The following SH3GL2 variants were observed in gnomAD, a reference collection of about 807,000 sequenced individuals.
The protein encoded by SH3GL2 is SH3 domain containing GRB2 like 2, endophilin A1, also known as endophilin-A1.
In SH3GL2, 24 loss-of-function variants were observed where a neutral mutation model predicts 46.0. The ratio of observed to expected loss-of-function variants is 0.52; its 90% CI spans 0.38 to 0.73. SH3GL2 has a LOEUF of 0.73. SH3GL2 is among the 30% of genes least tolerant of loss of function. The pLI, the probability that SH3GL2 is intolerant of heterozygous loss-of-function variation, is 0.00. For missense variants in SH3GL2, 413 were observed against 424.2 expected (o/e 0.97, Z 0.23); for synonymous variants, 196 against 147.1 (o/e 1.33, Z -2.40).
intron 1 of SH3GL2, among the ~76,000 whole-genome samples, chr9:17,676,546 C>G (rs1029101696): frequency 6.6e-6 from 1 of 152,312 alleles, no homozygotes; most frequent in African/African-American, 2.4e-5. Flanking sequence ...TTGGAGGTTG[C>G]AATGAGCTGA....
intron 1 of SH3GL2, among the ~76,000 whole-genome samples, chr9:17,736,944 A>G (rs1312886842): frequency 5.9e-5 from 9 of 152,148 alleles, no homozygotes; most frequent in African/African-American, 2.2e-4. Flanking sequence ...AAAGACTTGG[A>G]ACCAACCCAA....
intron 1 of SH3GL2, among the ~76,000 whole-genome samples, chr9:17,677,260 T>C (rs1002402683): frequency 2.0e-5 from 3 of 152,214 alleles, no homozygotes; most frequent in African/African-American, 7.2e-5. Flanking sequence ...TTCATTCTCA[T>C]GTTCACATTC....
In SH3GL2 at chr9:17,593,170, ATAAG is replaced by A. The variant is rs1202252090; in HGVS notation, c.45+13889_45+13892del. 1.2e-4 allele frequency among the ~76,000 whole-genome samples: 19 copies of A among 152,348 alleles called. No homozygotes were observed. In the East Asian group the frequency reaches 3.5e-3, roughly 28 times the overall value. On this transcript the variant is annotated intron_variant, in intron 1 of 8. Coordinates refer to ENST00000380607, the MANE Select transcript of SH3GL2 (RefSeq NM_003026.5). ...ATACCTTTCTAATAAATGGCTAAAC[ATAAG>A]TAAGTGTTTCCCTGAGTTCCGTGTG...
chr9:17,712,111 C>T (rs1472433112), intron 1 of SH3GL2, among the ~76,000 whole-genome samples: 1 of 151,642 alleles, frequency 6.6e-6, no homozygotes. Context: ...TTCCTATTTT[C>T]TTTGATGATG....
At chr9:17,753,752 G>T (rs1405669065) in intron 2 of SH3GL2, among the ~76,000 whole-genome samples, 1 of 152,156 alleles carries the variant, frequency 6.6e-6, no homozygotes, top group African/African-American at 2.4e-5. Context: ...TTTTGCCCAT[G>T]CCTATGTCCT....
At chr9:17,633,089 C>T (rs1173316132) in intron 1 of SH3GL2, among the ~76,000 whole-genome samples, 2 of 152,324 alleles carry the variant, frequency 1.3e-5, no homozygotes, top group African/African-American at 2.4e-5. Flanking sequence ...CTCCACATTG[C>T]TTTTCACTTT....
At chr9:17,754,874 G>T (rs1822944015) in intron 2 of SH3GL2, among the ~76,000 whole-genome samples, 1 of 152,134 alleles carries the variant, frequency 6.6e-6, no homozygotes, top group African/African-American at 2.4e-5. Flanking sequence ...ATCAGCTTAA[G>T]AATCTTTTTG....
At chr9:17,715,065 T>G (rs570063775) in intron 1 of SH3GL2, among the ~76,000 whole-genome samples, 1 of 152,056 alleles carries the variant, frequency 6.6e-6, no homozygotes, top group East Asian at 1.9e-4. Context: ...TCTTTTTGTT[T>G]TGTATTGCAT....
intron 1 of SH3GL2, among the ~76,000 whole-genome samples, chr9:17,686,266 G>A (rs62548124): frequency 2.5e-3 from 321 of 128,610 alleles, no homozygotes; most frequent in East Asian, 0.01. Context: ...TTAGAATGGC[G>A]ATCATTAAAA....
chr9:17,763,434 T>G (rs1823234640), intron 3 of SH3GL2, among the ~76,000 whole-genome samples: 1 of 152,100 alleles, frequency 6.6e-6, no homozygotes, highest in South Asian at 2.1e-4. Context: ...ATGGGTGTCC[T>G]TATGAGAAGA....
chr9:17,689,275 C>T (rs922041016), intron 1 of SH3GL2, among the ~76,000 whole-genome samples: 1 of 152,018 alleles, frequency 6.6e-6, no homozygotes, highest in African/African-American at 2.4e-5. Context: ...GTCTGAGAAA[C>T]TGTCAAACCA....
chr9:17,692,230 A>G (rs1821098821), intron 1 of SH3GL2, among the ~76,000 whole-genome samples: 1 of 151,836 alleles, frequency 6.6e-6, no homozygotes, highest in African/African-American at 2.4e-5. Context: ...GAATATGCTT[A>G]TCTGAGCTTT....
chr9:17,787,206 T>C (rs1056978643), intron 4 of SH3GL2, among the ~76,000 whole-genome samples, 174 bp from the exon 5 acceptor site: 4 of 152,164 alleles, frequency 2.6e-5, no homozygotes, highest in Admixed American at 2.6e-4. Context: ...ATTTACCCTC[T>C]TAGGGGGCAT....
At chr9:17,676,602 T>C (rs2118004620) in intron 1 of SH3GL2, among the ~76,000 whole-genome samples, 1 of 152,298 alleles carries the variant, frequency 6.6e-6, no homozygotes, top group Non-Finnish European at 1.5e-5. Context: ...CAAGACTCTG[T>C]CTCAAACAAA....
At chr9:17,688,600 A>G (rs1212742101) in intron 1 of SH3GL2, among the ~76,000 whole-genome samples, 1 of 152,040 alleles carries the variant, frequency 6.6e-6, no homozygotes, top group African/African-American at 2.4e-5. Flanking sequence ...GGCAGGAAGC[A>G]TGCAAGATGA....
chr9:17,695,392 T>C (rs1821177841), intron 1 of SH3GL2, among the ~76,000 whole-genome samples: 1 of 152,158 alleles, frequency 6.6e-6, no homozygotes, highest in South Asian at 2.1e-4. Context: ...TTGAAGATTT[T>C]TATTTCCAGG....
chr9:17,608,432 C>G (rs750626943), intron 1 of SH3GL2, among the ~76,000 whole-genome samples: 1 of 152,130 alleles, frequency 6.6e-6, no homozygotes, highest in Non-Finnish European at 1.5e-5. Flanking sequence ...TCTTAACGGT[C>G]AAATCTTACT....
At chr9:17,679,158 A>T (rs1321538749) in intron 1 of SH3GL2, among the ~76,000 whole-genome samples, 2 of 152,090 alleles carry the variant, frequency 1.3e-5, no homozygotes, top group African/African-American at 4.8e-5. Flanking sequence ...GTTTTTTCCA[A>T]TTCTGTGAAG....
In SH3GL2 at chr9:17,683,057, A is replaced by C. The variant is rs114580680; in HGVS notation, c.46-64009A>C. Among the ~76,000 whole-genome samples the C allele has an allele frequency of 4.7e-3, 714 of 152,258 alleles. 5 individuals are homozygous for C. The highest frequency in any genetic ancestry group is 0.016 in the African/African-American group (685 of 41,562). ...TCATAGAGCAACTAACTAGCCTGAA[A>C]TCTAAGGAAAAGGTATGAGTTTCCA... is the stretch of plus-strand genomic sequence containing the variant. On this transcript the variant is annotated intron_variant, in intron 1 of 8. Transcript: ENST00000380607.
Sources: allele counts gnomAD v4.1 joint callset (sites outside exome capture counted in the v4.1 genomes callset), GRCh38; gene constraint gnomAD v4.1.1; transcripts MANE v1.5; gene names NCBI Gene and HGNC (gene_info 2026-07-23, HGNC 2026-07-21).